The following SPINK5 variants were observed in gnomAD, a reference collection of about 807,000 sequenced individuals.
The protein encoded by SPINK5 is serine protease inhibitor Kazal-type 5.
In SPINK5, 125 loss-of-function variants were observed where a neutral mutation model predicts 151.8. The ratio of observed to expected loss-of-function variants is 0.82; its 90% CI spans 0.71 to 0.96. SPINK5 has a LOEUF of 0.96. SPINK5 is among the 40% of genes least tolerant of loss of function. SPINK5 has a pLI of 0.00. For missense variants in SPINK5, 1,194 were observed against 1,291.9 expected, an observed-to-expected ratio of 0.92 and a Z score of 1.16; for synonymous variants, 374 against 395.3, an observed-to-expected ratio of 0.95 and a Z score of 0.64.
intron 31 of SPINK5, among the ~76,000 whole-genome samples, chr5:148,133,065 G>C (rs1754612005): frequency 6.6e-6 from 1 of 151,968 alleles, no homozygotes; most frequent in Non-Finnish European, 1.5e-5. Context: ...TCTTTTTAAG[G>C]GAAATTTAGC....
chr5:148,130,860 T>G (rs1361567122), intron 30 of SPINK5, among the ~76,000 whole-genome samples: 4 of 152,120 alleles, frequency 2.6e-5, no homozygotes, highest in Non-Finnish European at 5.9e-5. Flanking sequence ...CTCATGCAAT[T>G]TATGAGTATT....
intron 28 of SPINK5, 109 bp from the exon 29 acceptor site, chr5:148,125,614 G>C: frequency 1.2e-6 from 2 of 1,614,176 alleles, no homozygotes; most frequent in South Asian, 2.2e-5. Context: ...GATGAGTACA[G>C]TGAGTCTGAG....
At position 148,119,056 on chromosome 5, in the gene SPINK5, A is replaced by G. The variant is rs1274829762; in HGVS notation, c.2311A>G (p.Lys771Glu). The G allele has an allele frequency of 6.2e-7, 1 of 1,613,752 alleles. No individual in the cohort carries two copies. The highest frequency in any genetic ancestry group is 8.5e-7 in the Non-Finnish European group (1 of 1,179,856). Residue 771 changes from lysine to glutamate, a missense_variant and splice_region_variant, in exon 24 of 33, where the codon AAG becomes GAG. By Grantham distance (56) the Lys-to-Glu change is moderately conservative. Transcript: ENST00000256084. Reference protein sequence around the residue: ...RSNGTGSESGKDTCDEFRSQM... With the variant: ...RSNGTGSESGEDTCDEFRSQM... ...AAATGGGACTGGATCAGAATCAGGGAAGGTGAGTTATTTTTTGGGTTTTGG... is the reference window on the plus strand; with the variant it reads ...AAATGGGACTGGATCAGAATCAGGGGAGGTGAGTTATTTTTTGGGTTTTGG...
chr5:148,076,254 A>G (rs753697208), intron 4 of SPINK5, among the ~76,000 whole-genome samples: 2 of 151,708 alleles, frequency 1.3e-5, no homozygotes, highest in African/African-American at 2.4e-5. Context: ...TTAAACTACA[A>G]AAACATAGGG....
intron 2 of SPINK5, among the ~76,000 whole-genome samples, chr5:148,067,588 T>C (rs1461031558): frequency 6.6e-6 from 1 of 152,138 alleles, no homozygotes; most frequent in East Asian, 1.9e-4. Flanking sequence ...CATTGGATAA[T>C]TTCATAACTC....
intron 10 of SPINK5, among the ~76,000 whole-genome samples, chr5:148,097,168 A>G (rs193102849): frequency 1.7e-3 from 258 of 150,562 alleles, no homozygotes; most frequent in African/African-American, 6.2e-3. Flanking sequence ...TCCCTAGTTA[A>G]TCAAATCCTC....
intron 4 of SPINK5, among the ~76,000 whole-genome samples, chr5:148,085,541 G>T (rs954000795): frequency 2.6e-5 from 4 of 151,898 alleles, no homozygotes; most frequent in African/African-American, 9.7e-5. Context: ...TGTAGGTAGG[G>T]TGTGAATTTC....
intron 15 of SPINK5, among the ~76,000 whole-genome samples, chr5:148,103,975 C>CA (rs1753715073): frequency 6.6e-6 from 1 of 152,084 alleles, no homozygotes; most frequent in South Asian, 2.1e-4. Context: ...GTTAGTTATC[C>CA]AAAATGTAAC....
intron 30 of SPINK5, among the ~76,000 whole-genome samples, chr5:148,130,071 TCTC>T (rs2113230282): frequency 6.6e-6 from 1 of 152,138 alleles, no homozygotes; most frequent in South Asian, 2.1e-4. Flanking sequence ...TTCATCAATT[TCTC>T]CTCTTTATTA....
chr5:148,114,420 A>G lies in SPINK5; in HGVS notation c.1946A>G (p.Glu649Gly). ...AATGGAAAACTTTTCTGCACAAGAG[A>G]AAATGATCCTGTGCGTGGCCCAGAT... is the stretch of plus-strand genomic sequence containing the variant. Reference protein sequence around the residue: ...LQNGKLFCTRENDPVRGPDGK... With the variant: ...LQNGKLFCTRGNDPVRGPDGK... The change falls in exon 21 of 33, where the codon GAA (glutamate) becomes GGA (glycine). Residue 649 changes from glutamate to glycine, a missense_variant. Physicochemically the swap from Glu to Gly is moderately conservative, Grantham distance 98. Coordinates refer to ENST00000256084, the MANE Select transcript of SPINK5 (RefSeq NM_006846.4). 1.9e-6 allele frequency: 3 copies of G among 1,613,742 alleles called. No individual in the cohort carries two copies. Among genetic ancestry groups the G allele is most frequent in the Non-Finnish European group, 2.5e-6 (3 of 1,179,736 alleles).
At chr5:148,108,936 T>C in intron 18 of SPINK5, 99 bp downstream of exon 18, 1 of 1,573,456 alleles carries the variant, frequency 6.4e-7, no homozygotes, top group Non-Finnish European at 8.6e-7. Context: ...ATTCTTAGTT[T>C]CTTTGCAAAC....
rs1383595280 is a variant in SPINK5 at position 148,114,484 on chromosome 5, A to G, written c.2010A>G (p.Ala670=). 1 of 1,613,428 alleles carries G rather than the reference A, an allele frequency of 6.2e-7. No individual in the cohort carries two copies. Among genetic ancestry groups the G allele is most frequent in the African/African-American group, 1.3e-5 (1 of 75,038 alleles). Residue 670 remains alanine (A), a synonymous_variant, in exon 21 of 33, where the codon GCA becomes GCG. Transcript: ENST00000256084. ...GCAACAAGTGTGCCATGTGTAAGGC[A>G]GTCTTGTGAGTGCACAAAGAAAACC... ...THGNKCAMCK[A]VFQKENEERK... is the part of the protein sequence containing the mutation.
chr5:148,104,328 A>G (rs1047541515), intron 15 of SPINK5, among the ~76,000 whole-genome samples: 1 of 152,176 alleles, frequency 6.6e-6, no homozygotes, highest in Non-Finnish European at 1.5e-5. Context: ...CAGAAGATAA[A>G]TATTACCTCT....
rs765752936 is a variant in SPINK5, at chr5:148,101,817, G to A, written c.1339G>A (p.Gly447Arg). Residue 447 changes from glycine to arginine, a missense_variant, in exon 15 of 33, where the codon GGA becomes AGA. Physicochemically the swap from Gly to Arg is moderately radical, Grantham distance 125 (BLOSUM62 -2). Coordinates refer to ENST00000256084, the MANE Select transcript of SPINK5 (RefSeq NM_006846.4). ...TGAATACCGCAAATCCAGGAAAAAC[G>A]GACGGCTTTTTTGCACCAGAGAGAA... The part of the protein sequence containing the change: ...CSEYRKSRKN[G>R]RLFCTRENDP... The A allele has an allele frequency of 6.0e-5, 97 of 1,613,720 alleles. 1 individual carries two copies. Among genetic ancestry groups the A allele is most frequent in the South Asian group, 5.7e-4 (52 of 91,076 alleles).
chr5:148,091,053 G>T, intron 7 of SPINK5, 112 bp from the exon 8 acceptor site: 3 of 897,308 alleles, frequency 3.3e-6, no homozygotes, highest in Non-Finnish European at 3.6e-6. Context: ...CTTGTAAGAG[G>T]ATCATTTTCA....
At chr5:148,124,097 T>G in intron 27 of SPINK5, 137 bp downstream of exon 27, 1 of 1,030,868 alleles carries the variant, frequency 9.7e-7, no homozygotes, top group Non-Finnish European at 1.4e-6. Flanking sequence ...AAGAGACAAT[T>G]TCCAAAGCAC....
chr5:148,085,477 G>A (rs1005388946), intron 4 of SPINK5, among the ~76,000 whole-genome samples: 1 of 151,886 alleles, frequency 6.6e-6, no homozygotes, highest in Non-Finnish European at 1.5e-5. Context: ...ACAATAATAA[G>A]TTGCCAAATA....
At position 148,130,493 on chromosome 5, in the gene SPINK5, T is replaced by C. The variant is rs185799833; in HGVS notation, c.2965-766T>C. Among the ~76,000 whole-genome samples the C allele has an allele frequency of 1.5e-3, 235 of 152,242 alleles. 2 individuals are homozygous for C. The South Asian group carries it at 0.019, about 12-fold the overall frequency. ...TGCTTTTGAATACTTTTTTTATATT[T>C]TGGCTCTACTTTTTGCCTTTTTAAA... is the stretch of plus-strand genomic sequence containing the variant. On this transcript the variant is annotated intron_variant, in intron 30 of 32. Transcript: ENST00000256084.
chr5:148,116,530 A>C, intron 22 of SPINK5, 64 bp downstream of exon 22: 1 of 1,450,494 alleles, frequency 6.9e-7, no homozygotes, highest in Non-Finnish European at 9.7e-7. Flanking sequence ...AGGACTGTGA[A>C]TAGCGTATAT....
Sources: gnomAD v4.1 joint callset for allele counts (sites outside exome capture counted in the v4.1 genomes callset) on GRCh38, gnomAD v4.1.1 for gene constraint, MANE v1.5 for transcripts, NCBI Gene and HGNC (gene_info 2026-07-23, HGNC 2026-07-21) for gene names.